Variants in NCKAP1 observed in about 807,000 individuals in gnomAD.
NCKAP1 encodes the protein NCK associated protein 1, also known as nck-associated protein 1.
Under a neutral mutation model 151.2 loss-of-function variants are expected in NCKAP1, and 21 were observed. The observed-to-expected ratio is 0.14, with a 90% CI of 0.10 to 0.20. NCKAP1 has a LOEUF of 0.20. Among genes scored for constraint, NCKAP1 ranks in the 10% least tolerant of loss-of-function variants. The probability of loss-of-function intolerance (pLI) is 1.00; values close to 1 mark genes in which losing one functional copy is unlikely to be tolerated. For missense variants in NCKAP1, 933 were observed against 1,352.1 expected (o/e 0.69, Z 4.86); for synonymous variants, 484 against 451.8 (o/e 1.07, Z -0.90).
chr2:182,990,513 A>G (rs1698146347), intron 8 of NCKAP1, among the ~76,000 whole-genome samples: 1 of 152,162 alleles, frequency 6.6e-6, no homozygotes. Context: ...TTTGTTATCT[A>G]ATCTGGAAAT....
intron 15 of NCKAP1, among the ~76,000 whole-genome samples, chr2:182,969,592 G>C (rs1330228254): frequency 6.7e-6 from 1 of 150,020 alleles, no homozygotes; most frequent in African/African-American, 2.5e-5. Context: ...AACATTTATT[G>C]AAAGAAATAA....
rs886343359 is a variant in NCKAP1 at position 182,913,326 on chromosome 2, G to C, written c.*12376C>G. 6.6e-6 allele frequency: 1 copy of C among 152,274 alleles called. No individual in the cohort carries two copies. Among genetic ancestry groups the C allele is most frequent in the Non-Finnish European group, 1.5e-5 (1 of 68,078 alleles). 9.4% of individuals were successfully genotyped at this position (152,274 alleles called of 1,614,324 possible). ...TTGGTCCCCAGTGCAGCAGTGTTGA[G>C]AGGTGGGACTTCTGGGAGGTGATTG... is the stretch of plus-strand genomic sequence containing the variant. On this transcript the variant is annotated 3_prime_UTR_variant, in exon 31 of 31. Transcript: ENST00000361354.
At chr2:182,981,426 T>A in intron 12 of NCKAP1, 50 bp from the exon 13 acceptor site, 1 of 1,404,676 alleles carries the variant, frequency 7.1e-7, no homozygotes, top group Non-Finnish European at 9.9e-7. Flanking sequence ...TCATCATTAT[T>A]AAAGAATATA....
rs1373663626 is a variant in NCKAP1 at position 182,914,719 on chromosome 2, T to G, written c.*10983A>C. ...GAGTAAAAAGGAACAAATTCCCCTC[T>G]AATAAATTACCCCCACAGAAAATAT... On this transcript the variant is annotated 3_prime_UTR_variant, in exon 31 of 31. Coordinates refer to ENST00000361354, the MANE Select transcript of NCKAP1 (RefSeq NM_013436.5). The G allele has an allele frequency of 1.3e-5, 2 of 152,168 alleles. No homozygotes were observed. Among genetic ancestry groups the G allele is most frequent in the African/African-American group, 4.8e-5 (2 of 41,436 alleles). 9.4% of individuals were successfully genotyped at this position (152,168 alleles called of 1,614,324 possible). A position where few individuals can be genotyped will look rare whatever the true frequency, so the allele number is the denominator to read the frequency against.
At chr2:182,970,773 G>C (rs1050343118) in intron 15 of NCKAP1, among the ~76,000 whole-genome samples, 1 of 152,034 alleles carries the variant, frequency 6.6e-6, no homozygotes, top group Non-Finnish European at 1.5e-5. Flanking sequence ...AAAGCAATTA[G>C]ACAAAAGACA....
rs897812231 is a variant in NCKAP1 at position 182,921,950 on chromosome 2, A to T, written c.*3752T>A. 2 of 152,250 alleles carry T rather than the reference A, an allele frequency of 1.3e-5. No individual in the cohort carries two copies. The highest frequency in any genetic ancestry group is 2.4e-5 in the African/African-American group (1 of 41,472). 9.4% of individuals were successfully genotyped at this position (152,250 alleles called of 1,614,324 possible). A position where few individuals can be genotyped will look rare whatever the true frequency, so the allele number is the denominator to read the frequency against. On this transcript the variant is annotated 3_prime_UTR_variant, in exon 31 of 31. Coordinates refer to ENST00000361354, the MANE Select transcript of NCKAP1 (RefSeq NM_013436.5). Reference sequence around the variant, plus strand: ...TTTTGTACTACAGAATAAAAATTTTAAAATCTCAAATATTTTTTCCCAAAG... The same window carrying T: ...TTTTGTACTACAGAATAAAAATTTTTAAATCTCAAATATTTTTTCCCAAAG...
At chr2:182,961,656 C>T (rs1247371122) in intron 18 of NCKAP1, among the ~76,000 whole-genome samples, 1 of 151,992 alleles carries the variant, frequency 6.6e-6, no homozygotes, top group Non-Finnish European at 1.5e-5. Context: ...GTGCAGCACA[C>T]CAACATGGCG....
intron 26 of NCKAP1, among the ~76,000 whole-genome samples, chr2:182,932,140 T>C (rs1696778359): frequency 6.6e-6 from 1 of 152,154 alleles, no homozygotes; most frequent in Non-Finnish European, 1.5e-5. Context: ...AGAGAAATAA[T>C]ACACGTTCAC....
intron 23 of NCKAP1, among the ~76,000 whole-genome samples, chr2:182,945,781 A>C (rs1185381325): frequency 2.6e-5 from 4 of 152,318 alleles, no homozygotes; most frequent in African/African-American, 9.6e-5. Context: ...ATTACTACTC[A>C]ACCCAGCAAT....
At chr2:182,997,624 T>A (rs1698295406) in intron 6 of NCKAP1, among the ~76,000 whole-genome samples, 1 of 152,200 alleles carries the variant, frequency 6.6e-6, no homozygotes, top group South Asian at 2.1e-4. Flanking sequence ...GATTTTAATT[T>A]ATTGAGATTT....
At chr2:183,024,091 C>T (rs1451488797) in intron 1 of NCKAP1, among the ~76,000 whole-genome samples, 175 bp from the exon 2 acceptor site, 1 of 151,694 alleles carries the variant, frequency 6.6e-6, no homozygotes, top group Non-Finnish European at 1.5e-5. Flanking sequence ...GGAGACAGTA[C>T]AGAGATGTTC....
intron 9 of NCKAP1, among the ~76,000 whole-genome samples, chr2:182,987,328 T>A (rs547159482): frequency 2.8e-4 from 43 of 152,342 alleles, no homozygotes; most frequent in African/African-American, 9.9e-4. Context: ...GGTCTAAGAT[T>A]TATGTATTCT....
At chr2:182,964,882 T>A in intron 16 of NCKAP1, 74 bp from the exon 17 acceptor site, 1 of 1,186,266 alleles carries the variant, frequency 8.4e-7, no homozygotes, top group Non-Finnish European at 1.2e-6. Context: ...TTACAGTTAA[T>A]TTGATTCAAG....
chr2:183,003,092 C>G, intron 3 of NCKAP1, 62 bp from the exon 4 acceptor site: 1 of 1,455,976 alleles, frequency 6.9e-7, no homozygotes. Flanking sequence ...TCAGAAAACA[C>G]AAACAAATAA....
At chr2:182,942,040 T>G (rs778428904) in intron 24 of NCKAP1, 30 bp downstream of exon 24, 5 of 1,546,634 alleles carry the variant, frequency 3.2e-6, no homozygotes, top group Non-Finnish European at 3.5e-6. Context: ...GATCTTCTTA[T>G]GTTTATAAAA....
At chr2:183,024,015 T>G in intron 1 of NCKAP1, 99 bp from the exon 2 acceptor site, 2 of 954,930 alleles carry the variant, frequency 2.1e-6, no homozygotes, top group Non-Finnish European at 1.6e-6. Context: ...ATTTATTGTT[T>G]TTGGTGAGCA....
Position 182,922,466 on chromosome 2 carries a change from T to C in NCKAP1, c.*3236A>G, listed in dbSNP as rs1166932994. ...AGCCCATAAGGCTCCTAGAGGGAAC[T>C]TGAGCACTCCTCATGACAGAGACAC... On this transcript the variant is annotated 3_prime_UTR_variant, in exon 31 of 31. Coordinates refer to ENST00000361354, the MANE Select transcript of NCKAP1 (RefSeq NM_013436.5). 2 of 152,234 alleles carry C rather than the reference T, an allele frequency of 1.3e-5. No individual in the cohort carries two copies. Among genetic ancestry groups the C allele is most frequent in the African/African-American group, 4.8e-5 (2 of 41,478 alleles). The allele number at this position is 152,234 out of a possible 1,614,324, so 9.4% of individuals were successfully genotyped here. A position where few individuals can be genotyped will look rare whatever the true frequency, so the allele number is the denominator to read the frequency against.
At chr2:183,031,998 G>C (rs572184908) in intron 1 of NCKAP1, among the ~76,000 whole-genome samples, 19 of 152,016 alleles carry the variant, frequency 1.2e-4, no homozygotes, top group Non-Finnish European at 2.6e-4. Context: ...AGAAATTACA[G>C]GTATTTAAGA....
Position 182,988,959 on chromosome 2 carries a change from C to A in NCKAP1, c.947+71G>T, listed in dbSNP as rs1575050349. The A allele has an allele frequency of 2.1e-6, 3 of 1,402,540 alleles. No homozygotes were observed. The East Asian group carries it at 6.8e-5, about 32-fold the overall frequency. 86.9% of individuals were successfully genotyped at this position (1,402,540 alleles called of 1,614,324 possible). A position where few individuals can be genotyped will look rare whatever the true frequency, so the allele number is the denominator to read the frequency against. On this transcript the variant is annotated intron_variant, in intron 9 of 30. Coordinates refer to ENST00000361354, the MANE Select transcript of NCKAP1 (RefSeq NM_013436.5). ...CACAGTGTGACTACTCCTTTATCCCCAAAACTTCAGTAAAGATAACTCACT... is the reference window on the plus strand; with the variant it reads ...CACAGTGTGACTACTCCTTTATCCCAAAAACTTCAGTAAAGATAACTCACT...
Sources: allele counts gnomAD v4.1 joint callset (sites outside exome capture counted in the v4.1 genomes callset), GRCh38; gene constraint gnomAD v4.1.1; transcripts MANE v1.5; gene names NCBI Gene and HGNC (gene_info 2026-07-23, HGNC 2026-07-21).